Variants in LRP2 observed in about 807,000 individuals in gnomAD.
LRP2 encodes the protein LDL receptor related protein 2, also known as low-density lipoprotein receptor-related protein 2.
In LRP2, 172 loss-of-function variants were observed where a neutral mutation model predicts 531.0. The observed-to-expected ratio is 0.32, with a 90% CI of 0.29 to 0.37. LRP2 has a LOEUF of 0.37. LRP2 is among the 10% of genes least tolerant of loss of function. The pLI, the probability that LRP2 is intolerant of heterozygous loss-of-function variation, is 1.00. For missense variants in LRP2, 5,167 were observed against 5,868.3 expected (o/e 0.88, Z 3.90); for synonymous variants, 1,992 against 2,027.6 (o/e 0.98, Z 0.47).
intron 16 of LRP2, among the ~76,000 whole-genome samples, chr2:169,259,603 A>T (rs1307049793): frequency 6.6e-6 from 1 of 152,006 alleles, no homozygotes; most frequent in East Asian, 1.9e-4. Flanking sequence ...TGACACCACC[A>T]GGTACGACCT....
In LRP2 at chr2:169,174,751, C is replaced by T. The variant is rs143472307; in HGVS notation, c.10768+442G>A. Among the ~76,000 whole-genome samples the T allele has an allele frequency of 9.6e-3, 1,439 of 149,890 alleles. 20 individuals carry two copies. The highest frequency in any genetic ancestry group is 0.033 in the African/African-American group (1,352 of 40,882). On this transcript the variant is annotated intron_variant, in intron 55 of 78. Transcript: ENST00000649046. ...TGTTGGACTCCTGGGCTCAAGCGATCGACCTGCCTCAGCCTCCCAAACTGT... is the reference window on the plus strand; with the variant it reads ...TGTTGGACTCCTGGGCTCAAGCGATTGACCTGCCTCAGCCTCCCAAACTGT...
chr2:169,351,181 A>G (rs2105575944), intron 1 of LRP2, among the ~76,000 whole-genome samples: 1 of 152,346 alleles, frequency 6.6e-6, no homozygotes, highest in African/African-American at 2.4e-5. Context: ...CAGAGCTGAA[A>G]ATAGATCATT....
intron 8 of LRP2, 84 bp from the exon 9 acceptor site, chr2:169,289,229 A>G (rs1683939198): frequency 6.5e-7 from 1 of 1,534,244 alleles, no homozygotes; most frequent in Non-Finnish European, 9.0e-7. Flanking sequence ...TTCCATGAGT[A>G]GCAGCTCAGT....
intron 52 of LRP2, among the ~76,000 whole-genome samples, chr2:169,178,703 C>T (rs1687309150): frequency 6.6e-6 from 1 of 152,182 alleles, no homozygotes; most frequent in Non-Finnish European, 1.5e-5. Flanking sequence ...CCCAAGTCCT[C>T]TCAGTTCCAA....
In LRP2 at chr2:169,176,453, G is replaced by A. The variant is rs777649442; in HGVS notation, c.10529C>T (p.Pro3510Leu). 1.2e-6 allele frequency: 2 copies of A among 1,614,138 alleles called. No homozygotes were observed. Among genetic ancestry groups the A allele is most frequent in the African/African-American group, 1.3e-5 (1 of 75,028 alleles). The change falls in exon 54 of 79, where the codon CCC becomes CTC. Residue 3510 changes from proline (P) to leucine (L), a missense_variant. Transcript: ENST00000649046. Reference protein sequence around the residue: ...LQLSGSTYCMPMCSSTQFLCA... With the variant: ...LQLSGSTYCMLMCSSTQFLCA... ...CAGGAACTGGGTGCTGGAGCACATG[G>A]GCATGCAGTAGGTGCTGCCACTCAG...
Position 169,272,957 on chromosome 2 carries a change from G to T in LRP2, c.2086C>A (p.Gln696Lys). The change falls in exon 15 of 79, where the codon CAA becomes AAA. Residue 696 changes from glutamine (Q) to lysine (K), a missense_variant. Coordinates refer to ENST00000649046, the MANE Select transcript of LRP2 (RefSeq NM_004525.3). ...GFRCKCTFGF[Q>K]LDTDERHCIA... Reference sequence around the variant, plus strand: ...CAGTGGCGCTCATCTGTATCCAGTTGGAAGCCGAATGTGCACTTGCAACGG... The same window carrying T: ...CAGTGGCGCTCATCTGTATCCAGTTTGAAGCCGAATGTGCACTTGCAACGG... 6.2e-7 allele frequency: 1 copy of T among 1,613,676 alleles called. No homozygotes were observed. Among genetic ancestry groups the T allele is most frequent in the Non-Finnish European group, 8.5e-7 (1 of 1,179,740 alleles).
rs141580566 is a variant in LRP2 at position 169,157,953 on chromosome 2, T to A, written c.11888-451A>T. On this transcript the variant is annotated intron_variant, in intron 63 of 78. Coordinates refer to ENST00000649046, the MANE Select transcript of LRP2 (RefSeq NM_004525.3). Reference sequence around the variant, plus strand: ...ATAAATAAATAAATAAATAAATAAATAAATAAAAGACATGGATACAGATAG... The same window carrying A: ...ATAAATAAATAAATAAATAAATAAAAAAATAAAAGACATGGATACAGATAG... Among the ~76,000 whole-genome samples, 5 of 145,974 alleles carry A rather than the reference T, an allele frequency of 3.4e-5. No homozygotes were observed. The East Asian group carries it at 1.2e-3, about 35-fold the overall frequency.
At chr2:169,330,350 A>G (rs1685232093) in intron 1 of LRP2, among the ~76,000 whole-genome samples, 1 of 152,236 alleles carries the variant, frequency 6.6e-6, no homozygotes, top group Non-Finnish European at 1.5e-5. Flanking sequence ...ATGGCAGCAG[A>G]ATGAGATGTA....
At chr2:169,275,664 T>C (rs960367388) in intron 13 of LRP2, among the ~76,000 whole-genome samples, 2 of 152,158 alleles carry the variant, frequency 1.3e-5, no homozygotes, top group African/African-American at 4.8e-5. Context: ...CACTGCACCA[T>C]TGAGCATTTC....
At chr2:169,228,311 T>TAAAAA (rs56358282) in intron 31 of LRP2, among the ~76,000 whole-genome samples, 4 of 133,176 alleles carry the variant, frequency 3.0e-5, no homozygotes, top group Non-Finnish European at 3.3e-5. Context: ...ACTGCAACAG[T>TAAAAA]AAAAAAAAAA....
chr2:169,155,835 GC>G (rs1396939930), intron 65 of LRP2, among the ~76,000 whole-genome samples: 7 of 152,104 alleles, frequency 4.6e-5, no homozygotes, highest in Admixed American at 4.6e-4. Flanking sequence ...CAATTCACGA[GC>G]CCTCTTGGAC....
chr2:169,221,986 C>A (rs1214118857), intron 33 of LRP2, among the ~76,000 whole-genome samples: 1 of 152,124 alleles, frequency 6.6e-6, no homozygotes, highest in Non-Finnish European at 1.5e-5. Flanking sequence ...AACACAGCTA[C>A]CCCTAGTGGA....
chr2:169,176,497 A>G lies in LRP2; in HGVS notation c.10485T>C (p.Asp3495=), dbSNP rs1687200264. The G allele has an allele frequency of 6.2e-7, 1 of 1,614,202 alleles. No individual in the cohort carries two copies. Among genetic ancestry groups the G allele is most frequent in the East Asian group, 2.2e-5 (1 of 44,882 alleles). The stretch of plus-strand genomic sequence containing the variant: ...CACTCAGCTGAAGGGTGCGGAAGTC[A>G]TCTGGACACTCGCAAGTGAACCCTT... ...GGKGFTCECP[D]DFRTLQLSGS... The change falls in exon 54 of 79, where the codon GAT becomes GAC. Residue 3495 remains aspartate, a synonymous_variant. Coordinates refer to ENST00000649046, the MANE Select transcript of LRP2 (RefSeq NM_004525.3).
intron 50 of LRP2, among the ~76,000 whole-genome samples, chr2:169,183,437 T>G (rs1181560341): frequency 6.6e-6 from 1 of 152,204 alleles, no homozygotes; most frequent in Non-Finnish European, 1.5e-5. Flanking sequence ...ATTGAACACT[T>G]GTTAAATGCC....
intron 16 of LRP2, 133 bp downstream of exon 16, chr2:169,270,771 T>TAAATAAAG: frequency 2.8e-6 from 1 of 351,832 alleles, no homozygotes; most frequent in East Asian, 5.9e-5. Context: ...AATAAATAAA[T>TAAATAAAG]AAATAAATAA....
rs375427032 is a variant in LRP2 at position 169,150,398 on chromosome 2, G to T, written c.12590+500C>A. 4.6e-5 allele frequency among the ~76,000 whole-genome samples: 7 copies of T among 152,110 alleles called. No homozygotes were observed. The East Asian group carries it at 1.3e-3, about 29-fold the overall frequency. On this transcript the variant is annotated intron_variant, in intron 68 of 78. Transcript: ENST00000649046. Reference sequence around the variant, plus strand: ...AACTTGTTCTCATTTACACTGAGATGATTTATAGATAAATTGCAAATTGGA... The same window carrying T: ...AACTTGTTCTCATTTACACTGAGATTATTTATAGATAAATTGCAAATTGGA...
chr2:169,154,584 T>C lies in LRP2; in HGVS notation c.12171A>G (p.Leu4057=). The change falls in exon 66 of 79, where the codon CTA becomes CTG. Residue 4057 remains leucine, a synonymous_variant. Coordinates refer to ENST00000649046, the MANE Select transcript of LRP2 (RefSeq NM_004525.3). The stretch of plus-strand genomic sequence containing the variant: ...TTCGAATTCGGACATTGTCAGGCAG[T>C]AGCAACAAAGGAGAGCTACCTGTAA... ...CAAEGSSPLL[L]LPDNVRIRKY... The C allele has an allele frequency of 6.2e-7, 1 of 1,613,574 alleles. No homozygotes were observed. Among genetic ancestry groups the C allele is most frequent in the Non-Finnish European group, 8.5e-7 (1 of 1,179,602 alleles).
intron 26 of LRP2, among the ~76,000 whole-genome samples, chr2:169,238,663 G>A (rs774535008): frequency 2.0e-5 from 3 of 152,100 alleles, no homozygotes; most frequent in Non-Finnish European, 4.4e-5. Context: ...CTGGACAGCA[G>A]GAATCATGTC....
intron 24 of LRP2, among the ~76,000 whole-genome samples, chr2:169,242,104 T>TA (rs1187923008): frequency 6.6e-6 from 1 of 152,240 alleles, no homozygotes; most frequent in Non-Finnish European, 1.5e-5. Context: ...ATAAAGTATA[T>TA]AAGCATTTTA....
Sources: allele counts gnomAD v4.1 joint callset (sites outside exome capture counted in the v4.1 genomes callset), GRCh38; gene constraint gnomAD v4.1.1; transcripts MANE v1.5; gene names NCBI Gene and HGNC (gene_info 2026-07-23, HGNC 2026-07-21).